The following AK5 variants were observed in gnomAD, a reference collection of about 807,000 sequenced individuals.
AK5 encodes the protein adenylate kinase 5, also known as adenylate kinase isoenzyme 5.
In AK5, 27 loss-of-function variants were observed where a neutral mutation model predicts 69.5. That is an observed-to-expected ratio of 0.39 (90% CI 0.29 to 0.54). AK5 has a LOEUF of 0.54. AK5 is among the 20% of genes least tolerant of loss of function. AK5 has a pLI of 0.71. For synonymous variants in AK5, 260 were observed against 244.4 expected, an observed-to-expected ratio of 1.06 and a Z score of -0.60; for missense variants, 531 against 700.4, an observed-to-expected ratio of 0.76 and a Z score of 2.73.
intron 8 of AK5, among the ~76,000 whole-genome samples, chr1:77,479,394 C>T (rs767968623): frequency 4.6e-5 from 7 of 151,922 alleles, no homozygotes; most frequent in Admixed American, 1.3e-4. Context: ...TTAGTAGAGA[C>T]GGAGTTTCTC....
chr1:77,340,741 T>C (rs940558727), intron 6 of AK5, 173 bp downstream of exon 6: 3 of 380,380 alleles, frequency 7.9e-6, no homozygotes, highest in South Asian at 1.0e-4. Flanking sequence ...TAAGCCATCA[T>C]GTTTTTTTAA....
chr1:77,494,068 A>T (rs370529344), intron 10 of AK5, among the ~76,000 whole-genome samples: 1 of 152,374 alleles, frequency 6.6e-6, no homozygotes, highest in East Asian at 1.9e-4. Flanking sequence ...GCAGGAATTT[A>T]GGACTCATCT....
intron 6 of AK5, among the ~76,000 whole-genome samples, chr1:77,357,522 T>C (rs1395839748): frequency 6.6e-6 from 1 of 152,064 alleles, no homozygotes; most frequent in Non-Finnish European, 1.5e-5. Context: ...TGACAAATAA[T>C]ACCTTACATT....
At chr1:77,391,143 A>G in intron 6 of AK5, among the ~76,000 whole-genome samples, 1 of 152,096 alleles carries the variant, frequency 6.6e-6, no homozygotes, top group Non-Finnish European at 1.5e-5. Flanking sequence ...TCAGACACAA[A>G]TAAATGGGTT....
In AK5 at chr1:77,558,802, C is replaced by CTGTT. The variant is rs202043220; in HGVS notation, c.*135_*138dup. ...CACCACCTCCTAAATCCTGACAGCACTGTTTGCTTCCCAGCTAGACCTGTG... is the reference window on the plus strand; with the variant it reads ...CACCACCTCCTAAATCCTGACAGCACTGTTTGTTTGCTTCCCAGCTAGACCTGTG... On this transcript the variant is annotated 3_prime_UTR_variant, in exon 14 of 14. Transcript: ENST00000354567. 0.012 allele frequency: 8,084 copies of CTGTT among 662,360 alleles called. 89 individuals carry two copies. The highest frequency in any genetic ancestry group is 0.015 in the Non-Finnish European group (5,528 of 365,186). The allele number at this position is 662,360 out of a possible 1,614,324, so 41.0% of individuals were successfully genotyped here. A position where few individuals can be genotyped will look rare whatever the true frequency, so the allele number is the denominator to read the frequency against.
chr1:77,430,395 C>T (rs6675781), intron 8 of AK5, among the ~76,000 whole-genome samples: 70 of 151,910 alleles, frequency 4.6e-4, no homozygotes, highest in Non-Finnish European at 6.2e-4. Context: ...TGAGAAAAGA[C>T]GAGTTCTGTA....
intron 13 of AK5, chr1:77,540,758 T>C (rs1237507136): frequency 6.6e-6 from 1 of 152,228 alleles, no homozygotes; most frequent in Non-Finnish European, 1.5e-5. Context: ...TCTACTAGAA[T>C]TGACCAAGTC....
chr1:77,391,375 T>G (rs1263795537), intron 6 of AK5, among the ~76,000 whole-genome samples: 1 of 139,316 alleles, frequency 7.2e-6, no homozygotes, highest in African/African-American at 2.7e-5. Context: ...TCTCAGTACT[T>G]TATGCAAAAA....
intron 6 of AK5, among the ~76,000 whole-genome samples, chr1:77,375,294 T>C (rs1647204408): frequency 6.6e-6 from 1 of 152,202 alleles, no homozygotes; most frequent in Non-Finnish European, 1.5e-5. Context: ...CATGCCAAAC[T>C]TGATCAGTAG....
At chr1:77,475,387 T>C (rs1446021192) in intron 8 of AK5, among the ~76,000 whole-genome samples, 5 of 18,240 alleles carry the variant, frequency 2.7e-4, no homozygotes, top group East Asian at 2.5e-3. Flanking sequence ...ATTATATATA[T>C]GTATATATAT....
intron 8 of AK5, among the ~76,000 whole-genome samples, chr1:77,422,942 G>A (rs918112707): frequency 1.1e-4 from 17 of 152,280 alleles, no homozygotes; most frequent in Non-Finnish European, 2.5e-4. Context: ...TTGGCTGGGT[G>A]CGGTGGCTCA....
intron 8 of AK5, among the ~76,000 whole-genome samples, chr1:77,466,334 G>A (rs1050735440): frequency 3.3e-5 from 5 of 152,052 alleles, no homozygotes; most frequent in Admixed American, 2.0e-4. Flanking sequence ...AATCATCCTA[G>A]AACTCTATAC....
At chr1:77,351,950 A>G (rs1391410386) in intron 6 of AK5, among the ~76,000 whole-genome samples, 7 of 133,548 alleles carry the variant, frequency 5.2e-5, no homozygotes, top group Non-Finnish European at 7.9e-5. Flanking sequence ...TTTTCTTGAG[A>G]TGGAGTTTCG....
chr1:77,476,701 G>A (rs1182256814), intron 8 of AK5, among the ~76,000 whole-genome samples: 2 of 152,014 alleles, frequency 1.3e-5, no homozygotes, highest in Non-Finnish European at 2.9e-5. Flanking sequence ...GACCCACCAG[G>A]GCATCCTGCA....
Position 77,486,115 on chromosome 1 carries a change from AAAAC to A in AK5, c.1103-177_1103-174del, listed in dbSNP as rs971726850. Among the ~76,000 whole-genome samples, 129 of 152,162 alleles carry A rather than the reference AAAAC, an allele frequency of 8.5e-4. 4 individuals are homozygous for A. The highest frequency in any genetic ancestry group is 2.8e-4 in the Non-Finnish European group (19 of 68,030). On this transcript the variant is annotated intron_variant, in intron 9 of 13. Transcript: ENST00000354567. ...GAGCAACAGGGTGAGACCATCTCAA[AAAAC>A]AAACAAACAAACAAAAACACTGAAA...
At chr1:77,287,244 T>C (rs918217046) in intron 2 of AK5, 117 bp downstream of exon 2, 3 of 652,708 alleles carry the variant, frequency 4.6e-6, no homozygotes, top group Non-Finnish European at 6.7e-6. Flanking sequence ...CCTGAAGTCA[T>C]TGGATCACGA....
At chr1:77,366,981 T>C (rs548252767) in intron 6 of AK5, among the ~76,000 whole-genome samples, 1 of 152,290 alleles carries the variant, frequency 6.6e-6, no homozygotes, top group East Asian at 1.9e-4. Flanking sequence ...GTGAATAGTA[T>C]CATCTTCACT....
chr1:77,297,780 A>G, intron 4 of AK5, 52 bp downstream of exon 4: 1 of 1,605,476 alleles, frequency 6.2e-7, no homozygotes, highest in Non-Finnish European at 8.5e-7. Flanking sequence ...ATACCGATTG[A>G]GTATACTAAG....
intron 10 of AK5, among the ~76,000 whole-genome samples, chr1:77,497,218 G>A (rs1483169743): frequency 1.3e-5 from 2 of 151,612 alleles, no homozygotes; most frequent in Non-Finnish European, 2.9e-5. Context: ...CGCTCACTGC[G>A]AAGGTCTGCG....
Sources: allele counts gnomAD v4.1 joint callset (sites outside exome capture counted in the v4.1 genomes callset), GRCh38; gene constraint gnomAD v4.1.1; transcripts MANE v1.5; gene names NCBI Gene and HGNC (gene_info 2026-07-23, HGNC 2026-07-21).